The following TARBP1 variants were observed in gnomAD, a reference collection of about 807,000 sequenced individuals.
The protein encoded by TARBP1 is tRNA guanosine 2 -O-methyltransferase TARBP1.
In TARBP1, 144 loss-of-function variants were observed where a neutral mutation model predicts 178.6. That is an observed-to-expected ratio of 0.81 (90% CI 0.70 to 0.93). The LOEUF (loss-of-function observed/expected upper bound fraction) is 0.93, where lower values mean the gene tolerates loss of function less well. Ranked by LOEUF, TARBP1 falls within the 40% of genes least tolerant of loss-of-function variation. The pLI, the probability that TARBP1 is intolerant of heterozygous loss-of-function variation, is 0.00. For missense variants in TARBP1, 2,067 were observed against 2,011.7 expected (o/e 1.03, Z -0.53); for synonymous variants, 787 against 781.0 (o/e 1.01, Z -0.13).
chr1:234,406,281 A>G, intron 23 of TARBP1, 182 bp from the exon 24 acceptor site: 2 of 588,126 alleles, frequency 3.4e-6, no homozygotes, highest in South Asian at 2.3e-5. Flanking sequence ...GGCATTTGCA[A>G]TTTACTCAAG....
chr1:234,437,270 C>T lies in TARBP1; in HGVS notation c.2232+5G>A. On this transcript the variant is annotated splice_donor_5th_base_variant and intron_variant, in intron 13 of 29. Transcript: ENST00000040877. ...AAAAAGAAAGTTATTCCACTGAATACTTACACTATTTAGCTCATTCATAGT... is the reference window on the plus strand; with the variant it reads ...AAAAAGAAAGTTATTCCACTGAATATTTACACTATTTAGCTCATTCATAGT... 1.4e-6 allele frequency: 2 copies of T among 1,410,460 alleles called. No homozygotes were observed. Among genetic ancestry groups the T allele is most frequent in the Non-Finnish European group, 2.0e-6 (2 of 1,024,380 alleles). 87.4% of individuals were successfully genotyped at this position (1,410,460 alleles called of 1,614,324 possible).
chr1:234,392,327 C>A, intron 29 of TARBP1, 89 bp downstream of exon 29: 1 of 1,511,022 alleles, frequency 6.6e-7, no homozygotes, highest in Non-Finnish European at 8.9e-7. Flanking sequence ...CAGAGTGAGA[C>A]TCCGTCTCAA....
chr1:234,460,028 A>T (rs1558240907), intron 7 of TARBP1, among the ~76,000 whole-genome samples: 2 of 152,204 alleles, frequency 1.3e-5, no homozygotes, highest in African/African-American at 4.8e-5. Context: ...TCAAAATTCA[A>T]CAGCACATAC....
chr1:234,425,112 C>T (rs1221654501), intron 20 of TARBP1, among the ~76,000 whole-genome samples: 1 of 151,814 alleles, frequency 6.6e-6, no homozygotes, highest in Non-Finnish European at 1.5e-5. Context: ...GTAATCCCAG[C>T]TACTCGGGTG....
chr1:234,462,325 C>A (rs186251549), intron 6 of TARBP1, among the ~76,000 whole-genome samples: 1 of 152,176 alleles, frequency 6.6e-6, no homozygotes, highest in Non-Finnish European at 1.5e-5. Context: ...GGCAGCAATG[C>A]GGCTGACAAA....
In TARBP1 at chr1:234,446,873, A is replaced by G; in HGVS notation, c.2064T>C (p.Thr688=). The change falls in exon 12 of 30, where the codon ACT becomes ACC. Residue 688 remains threonine (T), a synonymous_variant. Transcript: ENST00000040877. The part of the protein sequence containing the change: ...STNAYMPLLK[T]DRCLQLLLKL... ...TCAACAGCAGCTGGAGGCATCTGTC[A>G]GTCTTCAGCAAGGGCATGTAGGCAT... The G allele has an allele frequency of 6.2e-7, 1 of 1,614,078 alleles. No individual in the cohort carries two copies. The highest frequency in any genetic ancestry group is 1.1e-5 in the South Asian group (1 of 91,088).
chr1:234,429,816 T>A, intron 15 of TARBP1, 139 bp from the exon 16 acceptor site: 3 of 1,039,070 alleles, frequency 2.9e-6, no homozygotes, highest in Non-Finnish European at 4.1e-6. Context: ...AAACAGCCTA[T>A]CTACCAAAAA....
intron 3 of TARBP1, among the ~76,000 whole-genome samples, chr1:234,469,187 C>A (rs1234283156): frequency 1.4e-5 from 2 of 147,880 alleles, no homozygotes; most frequent in Non-Finnish European, 3.0e-5. Context: ...GTGAGCAAAT[C>A]AAAACCATGG....
intron 22 of TARBP1, among the ~76,000 whole-genome samples, chr1:234,413,895 G>A (rs552088106): frequency 3.9e-5 from 6 of 152,322 alleles, no homozygotes; most frequent in South Asian, 2.1e-4. Flanking sequence ...ACCTGGTCAC[G>A]AATCAGACAC....
intron 8 of TARBP1, 70 bp downstream of exon 8, chr1:234,459,160 G>C: frequency 2.6e-6 from 3 of 1,164,794 alleles, no homozygotes; most frequent in Non-Finnish European, 3.7e-6. Flanking sequence ...GGTCTGCTAT[G>C]TTAACTCATT....
rs1044845646 is a variant in TARBP1 at position 234,391,575 on chromosome 1, C to A, written c.*2G>T. 1 of 1,603,992 alleles carries A rather than the reference C, an allele frequency of 6.2e-7. No individual in the cohort carries two copies. The highest frequency in any genetic ancestry group is 8.5e-7 in the Non-Finnish European group (1 of 1,173,696). On this transcript the variant is annotated 3_prime_UTR_variant, in exon 30 of 30. Transcript: ENST00000040877. Reference sequence around the variant, plus strand: ...CAGCAGCAGTTCACTAAGGAAGGCACATCATGGCTTGGTATCTCCGTGCGA... The same window carrying A: ...CAGCAGCAGTTCACTAAGGAAGGCAAATCATGGCTTGGTATCTCCGTGCGA...
At chr1:234,411,881 G>A (rs1239265519) in intron 22 of TARBP1, among the ~76,000 whole-genome samples, 3 of 152,122 alleles carry the variant, frequency 2.0e-5, no homozygotes, top group African/African-American at 7.2e-5. Context: ...TAAGCAGGAA[G>A]ACCAGTTTGG....
intron 12 of TARBP1, among the ~76,000 whole-genome samples, chr1:234,445,568 C>T (rs934779640): frequency 1.8e-4 from 27 of 152,264 alleles, no homozygotes; most frequent in Admixed American, 2.0e-4. Flanking sequence ...CATCAAGTTG[C>T]ATACATTAAA....
At chr1:234,448,084 G>A (rs988465065) in intron 11 of TARBP1, among the ~76,000 whole-genome samples, 20 of 152,160 alleles carry the variant, frequency 1.3e-4, no homozygotes, top group African/African-American at 4.1e-4. Flanking sequence ...GACTACAGAC[G>A]TGCACCACCA....
chr1:234,425,024 G>A (rs1033464480), intron 20 of TARBP1, among the ~76,000 whole-genome samples: 3 of 150,278 alleles, frequency 2.0e-5, no homozygotes, highest in Admixed American at 6.7e-5. Flanking sequence ...TCGCACCTTC[G>A]CACTCCAGCC....
At chr1:234,446,210 T>C (rs1401399011) in intron 12 of TARBP1, among the ~76,000 whole-genome samples, 2 of 152,210 alleles carry the variant, frequency 1.3e-5, no homozygotes, top group Non-Finnish European at 2.9e-5. Context: ...CTGTCACTAC[T>C]CTCATCTCTG....
chr1:234,420,682 A>G lies in TARBP1; in HGVS notation c.3555+20T>C. 6.6e-7 allele frequency: 1 copy of G among 1,520,778 alleles called. No homozygotes were observed. Among genetic ancestry groups the G allele is most frequent in the Non-Finnish European group, 9.0e-7 (1 of 1,105,660 alleles). 94.2% of individuals were successfully genotyped at this position (1,520,778 alleles called of 1,614,324 possible). ...GAAATCATATGCTTCAAAGGTACAA[A>G]TATAATAAAAATATGATACCTGGTC... On this transcript the variant is annotated intron_variant, in intron 21 of 29. Transcript: ENST00000040877.
intron 6 of TARBP1, among the ~76,000 whole-genome samples, chr1:234,461,946 C>T (rs270508): frequency 0.86 from 130,514 of 152,220 alleles, 56,327 homozygotes; most frequent in East Asian, 0.97. Context: ...ATTACGCGGA[C>T]TTTGTGTCTT....
Position 234,391,738 on chromosome 1 carries a change from G to A in TARBP1, c.4705C>T (p.Arg1569Cys), listed in dbSNP as rs529765598. ...EKSLLLLGNE[R>C]EGIPANLIQQ... is the part of the protein sequence containing the mutation. ...ATCAGATTTGCTGGAATTCCCTCAC[G>A]TTCATTTCTGAGGAAGAAAATGGAA... The change falls in exon 30 of 30, where the codon CGT becomes TGT. Residue 1569 changes from arginine to cysteine, a missense_variant. Physicochemically the swap from Arg to Cys is radical, Grantham distance 180. Transcript: ENST00000040877. The A allele has an allele frequency of 1.0e-4, 165 of 1,612,464 alleles. 1 individual carries two copies. In the South Asian group the frequency reaches 1.6e-3, roughly 16 times the overall value.
Sources: allele counts gnomAD v4.1 joint callset (sites outside exome capture counted in the v4.1 genomes callset), GRCh38; gene constraint gnomAD v4.1.1; transcripts MANE v1.5; gene names NCBI Gene and HGNC (gene_info 2026-07-23, HGNC 2026-07-21).